Variants in AGBL5 observed in about 807,000 individuals in gnomAD.
The protein encoded by AGBL5 is cytosolic carboxypeptidase-like protein 5.
In AGBL5, 51 loss-of-function variants were observed where a neutral mutation model predicts 88.0. That is an observed-to-expected ratio of 0.58 (90% confidence interval 0.46 to 0.73). The LOEUF is 0.73. Among genes scored for constraint, AGBL5 ranks in the 30% least tolerant of loss-of-function variants. The probability of loss-of-function intolerance (pLI) is 0.00; values close to 1 mark genes in which losing one functional copy is unlikely to be tolerated. For synonymous variants in AGBL5, 446 were observed against 438.8 expected (o/e 1.02, Z -0.21); for missense variants, 1,031 against 1,162.2 (o/e 0.89, Z 1.64).
At chr2:27,069,785 T>C in intron 14 of AGBL5, 79 bp downstream of exon 14, 1 of 1,532,332 alleles carries the variant, frequency 6.5e-7, no homozygotes, top group South Asian at 1.2e-5. Context: ...CAGAATAATT[T>C]TCTGCTTCCC....
chr2:27,068,845 C>T (rs773454616), intron 13 of AGBL5, 101 bp downstream of exon 13: 27 of 1,540,248 alleles, frequency 1.8e-5, no homozygotes, highest in Non-Finnish European at 2.4e-5. Flanking sequence ...TGCTTTACTG[C>T]ATCTACCCTT....
rs1352133355 is a variant in AGBL5, at chr2:27,070,514, G to A, written c.*251G>A. On this transcript the variant is annotated 3_prime_UTR_variant, in exon 15 of 15. Transcript: ENST00000360131. ...AAAGTCTATATTTTTATATTGGGGGGAGGGAGTAGAAAAGCAAGCCCCTAT... is the reference window on the plus strand; with the variant it reads ...AAAGTCTATATTTTTATATTGGGGGAAGGGAGTAGAAAAGCAAGCCCCTAT... 6.3e-6 allele frequency: 3 copies of A among 477,214 alleles called. No homozygotes were observed. The highest frequency in any genetic ancestry group is 6.7e-5 in the East Asian group (2 of 29,822). The allele number at this position is 477,214 out of a possible 1,614,324, so 29.6% of individuals were successfully genotyped here. A position where few individuals can be genotyped will look rare whatever the true frequency, so the allele number is the denominator to read the frequency against.
intron 11 of AGBL5, among the ~76,000 whole-genome samples, chr2:27,066,205 G>A (rs1668978310): frequency 7.5e-6 from 1 of 133,484 alleles, no homozygotes; most frequent in Non-Finnish European, 1.5e-5. Context: ...CTGCACTACA[G>A]CCTAGGTGAC....
intron 11 of AGBL5, among the ~76,000 whole-genome samples, chr2:27,063,382 C>G (rs1355494584): frequency 2.8e-5 from 1 of 35,130 alleles, no homozygotes; most frequent in Non-Finnish European, 9.8e-5. Flanking sequence ...CACGAGGTCT[C>G]GAGGAGATCG....
intron 14 of AGBL5, 135 bp from the exon 15 acceptor site, chr2:27,069,957 T>C: frequency 6.6e-7 from 1 of 1,505,946 alleles, no homozygotes; most frequent in Non-Finnish European, 8.9e-7. Context: ...GTCAAACCAC[T>C]GTGCAGTAAC....
intron 12 of AGBL5, among the ~76,000 whole-genome samples, chr2:27,068,168 A>G (rs1669089295): frequency 6.6e-6 from 1 of 152,008 alleles, no homozygotes; most frequent in Admixed American, 6.6e-5. Context: ...AAAGACCCCT[A>G]CTCCCAACCT....
chr2:27,054,379 C>G (rs569980205), intron 4 of AGBL5: 2 of 559,382 alleles, frequency 3.6e-6, no homozygotes, highest in Non-Finnish European at 6.2e-6. Context: ...GAGAACAACT[C>G]CGACTACATT....
upstream of AGBL5, chr2:27,051,340 C>T (rs1251948753): frequency 2.6e-5 from 4 of 152,238 alleles, no homozygotes; most frequent in Non-Finnish European, 4.4e-5. Context: ...GGATTCCCGG[C>T]GCAGTGGGCT....
At position 27,053,042 on chromosome 2, in the gene AGBL5, G is replaced by A; in HGVS notation, c.84G>A (p.Leu28=). The change falls in exon 2 of 15, where the codon TTG becomes TTA. Residue 28 remains leucine, a synonymous_variant. Coordinates refer to ENST00000360131, the MANE Select transcript of AGBL5 (RefSeq NM_021831.6). The surrounding 1 kb of genome is among the most constrained non-coding windows in gnomAD (Gnocchi z 4.9). The part of the protein sequence containing the change: ...NLAHVEKVES[L]SSDGEGVGGG... ...CCCACGTGGAGAAGGTGGAATCTTT[G>A]TCCAGTGATGGGGAAGGGGTAGGAG... 1.2e-6 allele frequency: 2 copies of A among 1,613,866 alleles called. No individual in the cohort carries two copies. The highest frequency in any genetic ancestry group is 1.7e-6 in the Non-Finnish European group (2 of 1,179,916).
chr2:27,069,858 T>C, intron 14 of AGBL5, 152 bp downstream of exon 14: 1 of 1,453,174 alleles, frequency 6.9e-7, no homozygotes, highest in Non-Finnish European at 9.1e-7. Flanking sequence ...TGATTTTTTT[T>C]TCCCCCACCA....
rs1394049498 is a variant in AGBL5 at position 27,056,779 on chromosome 2, G to A, written c.1522G>A (p.Gly508Arg). 5.0e-6 allele frequency: 8 copies of A among 1,607,356 alleles called. No individual in the cohort carries two copies. The highest frequency in any genetic ancestry group is 2.2e-5 in the East Asian group (1 of 44,692). Residue 508 changes from glycine (G) to arginine (R), a missense_variant, in exon 8 of 15, where the codon GGG becomes AGG. Gly to Arg is a moderately radical substitution (Grantham distance 125). This residue lies in a region of AGBL5 where 540 missense variants were observed against 678.2 expected (regional missense o/e 0.80). Transcript: ENST00000360131. ...SGRVAIYKAS[G>R]IIHSYTLECN... Reference sequence around the variant, plus strand: ...CCGTGTTGCAATCTACAAAGCCTCAGGGATAATCCACAGGTTGGGTGGAAG... The same window carrying A: ...CCGTGTTGCAATCTACAAAGCCTCAAGGATAATCCACAGGTTGGGTGGAAG...
At chr2:27,055,288 C>T (rs189944978) in intron 6 of AGBL5, 35 bp downstream of exon 6, 12 of 1,600,284 alleles carry the variant, frequency 7.5e-6, no homozygotes, top group African/African-American at 2.7e-5. Context: ...GGACTGTTCC[C>T]ATTTCCCCTC....
Position 27,066,647 on chromosome 2 carries a change from G to A in AGBL5, c.2090-847G>A, listed in dbSNP as rs115469131. 2.7e-3 allele frequency among the ~76,000 whole-genome samples: 410 copies of A among 152,220 alleles called. 4 individuals carry two copies. Among genetic ancestry groups the A allele is most frequent in the African/African-American group, 9.1e-3 (376 of 41,518 alleles). On this transcript the variant is annotated intron_variant, in intron 11 of 14. Transcript: ENST00000360131. The stretch of plus-strand genomic sequence containing the variant: ...GTTAGCCAAGCTCAGTAACTTCTTT[G>A]CCAAAAGAATAAACTGGCCAGGTGC...
Position 27,058,538 on chromosome 2 carries a change from A to C in AGBL5, c.1810A>C (p.Ser604Arg). 6.2e-7 allele frequency: 1 copy of C among 1,614,216 alleles called. No individual in the cohort carries two copies. ...LKHVRNSRGL[S>R]STLNVGVNKK... The stretch of plus-strand genomic sequence containing the variant: ...ACATGTACGCAACAGCCGAGGCCTA[A>C]GCAGCACTCTGAATGTGGGTGTCAA... The change falls in exon 10 of 15, where the codon AGC (serine) becomes CGC (arginine). Residue 604 changes from serine (S) to arginine (R), a missense_variant. Transcript: ENST00000360131.
intron 6 of AGBL5, 199 bp from the exon 7 acceptor site, chr2:27,055,483 T>C: frequency 1.2e-6 from 1 of 805,584 alleles, no homozygotes. Context: ...GCAGCTACCC[T>C]GAGGAAGCTC....
chr2:27,069,580 C>T lies in AGBL5; in HGVS notation c.2363C>T (p.Pro788Leu). Residue 788 changes from proline (P) to leucine (L), a missense_variant, in exon 14 of 15, where the codon CCC becomes CTC. Physicochemically the swap from Pro to Leu is moderately conservative, Grantham distance 98 (BLOSUM62 -3). Transcript: ENST00000360131. ...PCIKTRLQAR[P>L]RLGRGSPPTR... Reference sequence around the variant, plus strand: ...CAAACCCTGTCCACACAGGCTAGGCCCAGGTTGGGCCGGGGCTCACCGCCG... The same window carrying T: ...CAAACCCTGTCCACACAGGCTAGGCTCAGGTTGGGCCGGGGCTCACCGCCG... 6.2e-7 allele frequency: 1 copy of T among 1,613,946 alleles called. No individual in the cohort carries two copies. Among genetic ancestry groups the T allele is most frequent in the Non-Finnish European group, 8.5e-7 (1 of 1,179,840 alleles).
At chr2:27,051,229 A>C (rs62130539), upstream of AGBL5, among the ~76,000 whole-genome samples, 2 of 152,162 alleles carry the variant, frequency 1.3e-5, no homozygotes, top group Non-Finnish European at 2.9e-5. Context: ...ATTAGCTCAA[A>C]TGGTAGAGCG....
At chr2:27,050,832 G>A (rs900087640), upstream of AGBL5, among the ~76,000 whole-genome samples, 3 of 152,204 alleles carry the variant, frequency 2.0e-5, no homozygotes, top group South Asian at 2.1e-4. Flanking sequence ...ATAGGGCGTG[G>A]CAATCCTTAG....
chr2:27,054,988 C>T, intron 5 of AGBL5, 87 bp from the exon 6 acceptor site: 2 of 1,514,914 alleles, frequency 1.3e-6, no homozygotes, highest in Middle Eastern at 1.9e-4. Flanking sequence ...AGCGGCTATT[C>T]CTGCCTCATC....
Sources: allele counts gnomAD v4.1 joint callset (sites outside exome capture counted in the v4.1 genomes callset), GRCh38; gene constraint gnomAD v4.1.1; regional missense constraint gnomAD v4.1.1; non-coding constraint Gnocchi (gnomAD v3.1); transcripts MANE v1.5; gene names NCBI Gene and HGNC (gene_info 2026-07-23, HGNC 2026-07-21).